The following SORCS1 variants were observed in gnomAD, a reference collection of about 807,000 sequenced individuals.
The protein encoded by SORCS1 is sortilin related VPS10 domain containing receptor 1, also known as VPS10 domain-containing receptor SorCS1.
A neutral mutation model predicts 146.1 loss-of-function variants in SORCS1; 60 were observed. That is an observed-to-expected ratio of 0.41 (90% CI 0.33 to 0.51). SORCS1 has a LOEUF of 0.51. SORCS1 is among the 20% of genes least tolerant of loss of function. The pLI is 0.21. For missense variants in SORCS1, 1,352 were observed against 1,487.6 expected (o/e 0.91, Z 1.50); for synonymous variants, 637 against 584.0 (o/e 1.09, Z -1.31).
intron 3 of SORCS1, among the ~76,000 whole-genome samples, chr10:106,818,531 A>T (rs1471150824): frequency 6.6e-6 from 1 of 151,944 alleles, no homozygotes; most frequent in Non-Finnish European, 1.5e-5. Flanking sequence ...AGGCCCAGCA[A>T]ATTTTTGTAT....
intron 19 of SORCS1, among the ~76,000 whole-genome samples, chr10:106,625,799 G>T (rs1848070332): frequency 6.6e-6 from 1 of 152,058 alleles, no homozygotes; most frequent in African/African-American, 2.4e-5. Flanking sequence ...CAAGTTTGCA[G>T]TCTTCAGTGA....
At chr10:107,135,841 C>T (rs1967255986) in intron 1 of SORCS1, among the ~76,000 whole-genome samples, 1 of 152,140 alleles carries the variant, frequency 6.6e-6, no homozygotes, top group East Asian at 1.9e-4. Context: ...TTATTAAAAT[C>T]ACATGTCCTT....
intron 1 of SORCS1, among the ~76,000 whole-genome samples, chr10:107,145,545 T>A (rs1968254909): frequency 6.6e-6 from 1 of 152,114 alleles, no homozygotes; most frequent in African/African-American, 2.4e-5. Flanking sequence ...AAGAAAGAAA[T>A]AAAATAGAAT....
chr10:106,825,796 C>T (rs1948277459), intron 3 of SORCS1, among the ~76,000 whole-genome samples: 1 of 152,182 alleles, frequency 6.6e-6, no homozygotes, highest in Admixed American at 6.5e-5. Context: ...GCCTGCCTCT[C>T]CTCTGGCACT....
intron 13 of SORCS1, among the ~76,000 whole-genome samples, chr10:106,675,858 G>T (rs577797082): frequency 1.3e-5 from 2 of 152,244 alleles, no homozygotes; most frequent in East Asian, 3.9e-4. Flanking sequence ...TCAGAGAAGT[G>T]CCTTGCCCTT....
intron 1 of SORCS1, among the ~76,000 whole-genome samples, chr10:107,020,305 C>A (rs1300750936): frequency 6.6e-6 from 1 of 152,188 alleles, no homozygotes; most frequent in Non-Finnish European, 1.5e-5. Context: ...AGAATCAGAA[C>A]AAACTCAAAA....
intron 9 of SORCS1, among the ~76,000 whole-genome samples, chr10:106,689,592 G>A (rs1853140742): frequency 2.0e-5 from 3 of 152,122 alleles, no homozygotes; most frequent in Admixed American, 2.0e-4. Flanking sequence ...GAAGCAATTA[G>A]CTGTCACCTC....
intron 3 of SORCS1, among the ~76,000 whole-genome samples, chr10:106,786,504 G>A (rs1438348747): frequency 1.3e-5 from 2 of 152,148 alleles, no homozygotes. Context: ...CCAAGATCAA[G>A]TATTCCAAAG....
rs1961040622 is a variant in SORCS1 at position 107,060,108 on chromosome 10, T to C, written c.559-103528A>G. Among the ~76,000 whole-genome samples the C allele has an allele frequency of 6.6e-6, 1 of 151,976 alleles. No individual in the cohort carries two copies. Among genetic ancestry groups the C allele is most frequent in the South Asian group, 2.1e-4 (1 of 4,818 alleles). On this transcript the variant is annotated intron_variant, in intron 1 of 25. Transcript: ENST00000263054. The surrounding 1 kb of genome is among the most constrained non-coding windows in gnomAD (Gnocchi z 4.1). The stretch of plus-strand genomic sequence containing the variant: ...GCTGTACTCTAGCTGACAAATCGCC[T>C]GCCAGACCTCATCACACACACACAC...
At chr10:106,839,501 A>G (rs556826659) in intron 2 of SORCS1, among the ~76,000 whole-genome samples, 1 of 152,340 alleles carries the variant, frequency 6.6e-6, no homozygotes, top group Non-Finnish European at 1.5e-5. Flanking sequence ...GTTCATGAGG[A>G]AAAAAGCCTT....
At chr10:106,596,199 C>T (rs902041036) in intron 24 of SORCS1, among the ~76,000 whole-genome samples, 1 of 152,146 alleles carries the variant, frequency 6.6e-6, no homozygotes, top group African/African-American at 2.4e-5. Context: ...GCAGTTTGCT[C>T]ACTGACTACT....
At chr10:106,972,350 C>T (rs1355158717) in intron 1 of SORCS1, among the ~76,000 whole-genome samples, 1 of 146,878 alleles carries the variant, frequency 6.8e-6, no homozygotes, top group African/African-American at 2.5e-5. Flanking sequence ...CACTACACTC[C>T]AGCCTGGGTG....
intron 3 of SORCS1, among the ~76,000 whole-genome samples, chr10:106,798,639 AG>A (rs1195035552): frequency 1.3e-5 from 2 of 152,204 alleles, no homozygotes; most frequent in Non-Finnish European, 2.9e-5. Flanking sequence ...GTGGCTGCAT[AG>A]TATTCCATGG....
At chr10:106,823,576 G>C (rs888805222) in intron 3 of SORCS1, among the ~76,000 whole-genome samples, 1 of 152,166 alleles carries the variant, frequency 6.6e-6, no homozygotes, top group Non-Finnish European at 1.5e-5. Context: ...CCTATGCTCG[G>C]CACGTTAAAG....
intron 21 of SORCS1, among the ~76,000 whole-genome samples, chr10:106,614,387 A>T (rs747506992): frequency 6.6e-6 from 1 of 152,228 alleles, no homozygotes; most frequent in Non-Finnish European, 1.5e-5. Flanking sequence ...TATCAAACAC[A>T]TGTTTCGAAG....
intron 1 of SORCS1, among the ~76,000 whole-genome samples, chr10:106,973,612 G>A (rs1035726242): frequency 2.6e-5 from 4 of 152,002 alleles, no homozygotes; most frequent in South Asian, 2.1e-4. Flanking sequence ...TGCTGCTGGC[G>A]GCTCTAGAAA....
At chr10:106,914,687 C>T (rs558752847) in intron 2 of SORCS1, among the ~76,000 whole-genome samples, 1 of 152,146 alleles carries the variant, frequency 6.6e-6, no homozygotes, top group Admixed American at 6.5e-5. Context: ...AAGCTACAGT[C>T]CTATTATCGA....
At chr10:106,969,527 G>C (rs971856184) in intron 1 of SORCS1, among the ~76,000 whole-genome samples, 11 of 152,278 alleles carry the variant, frequency 7.2e-5, no homozygotes, top group African/African-American at 2.4e-4. Context: ...CTAGGACCAG[G>C]ACTAGACCCA....
At chr10:106,852,962 A>G (rs915682167) in intron 2 of SORCS1, among the ~76,000 whole-genome samples, 4 of 152,084 alleles carry the variant, frequency 2.6e-5, no homozygotes, top group Non-Finnish European at 5.9e-5. Context: ...GTGGTTTTTG[A>G]TATTGGAATA....
Sources: gnomAD v4.1 joint callset for allele counts (sites outside exome capture counted in the v4.1 genomes callset) on GRCh38, gnomAD v4.1.1 for gene constraint, Gnocchi (gnomAD v3.1) non-coding constraint, MANE v1.5 for transcripts, NCBI Gene and HGNC (gene_info 2026-07-23, HGNC 2026-07-21) for gene names.